The following TCP11 variants were observed in gnomAD, a reference collection of about 807,000 sequenced individuals.
TCP11 encodes t-complex 11, also known as T-complex protein 11 homolog.
TCP11 carries 34 observed loss-of-function variants against 45.0 expected under a neutral mutation model. The observed-to-expected ratio is 0.76, with a 90% CI of 0.57 to 1.01. The LOEUF is 1.01. Among genes scored for constraint, TCP11 ranks in the 50% least tolerant of loss-of-function variants. The pLI, the probability that TCP11 is intolerant of heterozygous loss-of-function variation, is 0.00. For synonymous variants in TCP11, 227 were observed against 227.0 expected (o/e 1.00, Z 0.00); for missense variants, 523 against 598.1 (o/e 0.87, Z 1.31).
intron 8 of TCP11, among the ~76,000 whole-genome samples, chr6:35,119,695 C>T (rs1353601423): frequency 1.3e-5 from 2 of 152,214 alleles, no homozygotes; most frequent in Non-Finnish European, 2.9e-5. Context: ...ATCCACTCAG[C>T]ATTCTTTAGT....
chr6:35,133,463 A>G (rs749711275), intron 3 of TCP11, among the ~76,000 whole-genome samples: 7 of 152,086 alleles, frequency 4.6e-5, no homozygotes, highest in South Asian at 2.1e-4. Context: ...GATTACAGGC[A>G]TGAGCCACTG....
rs763255017 is a variant in TCP11, at chr6:35,120,545, C to CA, written c.816dup (p.Gly273TrpfsTer6). On this transcript the variant is annotated frameshift_variant, in exon 7 of 10. Transcript: ENST00000311875. LOFTEE classifies it high-confidence loss of function. This position sits in a 1 kb window ranked among gnomAD's most constrained non-coding sequence, Gnocchi z 4.9. Reference sequence around the variant, plus strand: ...TTGGCTGCCTCATTGGGAGAGGGGCCAGCCACACTGGAGGAGTCAGAAGTG... The same window carrying CA: ...TTGGCTGCCTCATTGGGAGAGGGGCCAAGCCACACTGGAGGAGTCAGAAGTG... The CA allele has an allele frequency of 6.2e-7, 1 of 1,614,002 alleles. No individual in the cohort carries two copies. The highest frequency in any genetic ancestry group is 8.5e-7 in the Non-Finnish European group (1 of 1,180,032).
intron 3 of TCP11, among the ~76,000 whole-genome samples, chr6:35,134,273 CTTT>C (rs34368428): frequency 1.8e-3 from 185 of 105,104 alleles, no homozygotes; most frequent in Non-Finnish European, 1.7e-3. Context: ...CACCCATAAG[CTTT>C]TTTTTTTTTT....
chr6:35,130,442 G>A (rs1780281044), intron 3 of TCP11, among the ~76,000 whole-genome samples: 1 of 152,104 alleles, frequency 6.6e-6, no homozygotes, highest in South Asian at 2.1e-4. Context: ...AACAATCTTT[G>A]AAAAATATAT....
intron 2 of TCP11, chr6:35,137,944 A>G: frequency 7.8e-6 from 3 of 384,844 alleles, no homozygotes; most frequent in Non-Finnish European, 1.0e-5. Flanking sequence ...GAAAATGTAA[A>G]AAGGAAAAAT....
At chr6:35,139,364 T>C (rs1251972617) in intron 2 of TCP11, among the ~76,000 whole-genome samples, 1 of 152,090 alleles carries the variant, frequency 6.6e-6, no homozygotes, top group African/African-American at 2.4e-5. Flanking sequence ...CCAGCAGACT[T>C]ACGATATTTA....
At chr6:35,125,413 G>A (rs550197361) in intron 4 of TCP11, among the ~76,000 whole-genome samples, 2 of 152,026 alleles carry the variant, frequency 1.3e-5, no homozygotes, top group Non-Finnish European at 1.5e-5. Context: ...ACAAACACAC[G>A]AACAGATGCT....
At chr6:35,123,903 T>C (rs1221345208) in intron 4 of TCP11, among the ~76,000 whole-genome samples, 1 of 152,084 alleles carries the variant, frequency 6.6e-6, no homozygotes, top group Non-Finnish European at 1.5e-5. Context: ...TCCTCCCACC[T>C]CAACCTCCTA....
intron 2 of TCP11, among the ~76,000 whole-genome samples, chr6:35,136,451 A>G (rs1052964721): frequency 6.6e-6 from 1 of 151,520 alleles, no homozygotes; most frequent in African/African-American, 2.4e-5. Context: ...GTTTATAAAA[A>G]AAAGCAGGAA....
At chr6:35,138,091 C>A (rs944762348) in intron 2 of TCP11, among the ~76,000 whole-genome samples, 1 of 151,844 alleles carries the variant, frequency 6.6e-6, no homozygotes, top group African/African-American at 2.4e-5. Flanking sequence ...CAATAACAAA[C>A]GCTGGTGAGG....
At chr6:35,135,620 T>TAAAAAAAAAAAAAAAAAAAACAAA in intron 3 of TCP11, among the ~76,000 whole-genome samples, 1 of 121,558 alleles carries the variant, frequency 8.2e-6, no homozygotes, top group Admixed American at 8.5e-5. Context: ...ACCCCATCTC[T>TAAAAAAAAAAAAAAAAAAAACAAA]AAAAAAAAAA....
rs774542158 is a variant in TCP11 at position 35,120,411 on chromosome 6, G to A, written c.933+18C>T. Reference sequence around the variant, plus strand: ...AGCCCTGAACACAAAACAAGGCAATGCCCCCAGACATTCCTACCTCAGGGA... The same window carrying A: ...AGCCCTGAACACAAAACAAGGCAATACCCCCAGACATTCCTACCTCAGGGA... On this transcript the variant is annotated intron_variant, in intron 7 of 9. Coordinates refer to ENST00000311875, the MANE Select transcript of TCP11 (RefSeq NM_001370687.1). The surrounding 1 kb of genome is among the most constrained non-coding windows in gnomAD (Gnocchi z 4.9). 5.7e-6 allele frequency: 9 copies of A among 1,587,238 alleles called. No individual in the cohort carries two copies. The highest frequency in any genetic ancestry group is 7.7e-6 in the Non-Finnish European group (9 of 1,166,240).
intron 4 of TCP11, among the ~76,000 whole-genome samples, chr6:35,125,758 C>T (rs1234615710): frequency 6.6e-6 from 1 of 152,152 alleles, no homozygotes; most frequent in Non-Finnish European, 1.5e-5. Flanking sequence ...GCATAAAGAA[C>T]CTAAACGTCC....
intron 4 of TCP11, chr6:35,128,781 C>G (rs917063666): frequency 3.6e-6 from 1 of 277,740 alleles, no homozygotes; most frequent in Non-Finnish European, 6.7e-6. Flanking sequence ...CTTGGTTGGC[C>G]TCTCTCAGCC....
chr6:35,130,179 T>A (rs1780240049), intron 3 of TCP11, among the ~76,000 whole-genome samples: 1 of 152,164 alleles, frequency 6.6e-6, no homozygotes, highest in Non-Finnish European at 1.5e-5. Flanking sequence ...AACACAAGCC[T>A]TAAACTCTTC....
intron 3 of TCP11, among the ~76,000 whole-genome samples, chr6:35,134,334 G>A (rs1483633572): frequency 2.8e-5 from 4 of 141,712 alleles, no homozygotes; most frequent in African/African-American, 1.1e-4. Flanking sequence ...AGGCTGGAGT[G>A]CAGTGGCGTG....
intron 2 of TCP11, 120 bp from the exon 3 acceptor site, chr6:35,136,338 A>G (rs1415739657): frequency 1.4e-5 from 9 of 661,836 alleles, no homozygotes; most frequent in Middle Eastern, 2.6e-4. Flanking sequence ...GACTCACCCA[A>G]CTATTCTAGT....
At chr6:35,121,793 G>C (rs1187017587) in intron 5 of TCP11, among the ~76,000 whole-genome samples, 1 of 148,556 alleles carries the variant, frequency 6.7e-6, no homozygotes, top group East Asian at 2.0e-4. Context: ...GGCAACAAGA[G>C]TGAAACTCCA....
chr6:35,119,186 T>G (rs1778954229), intron 9 of TCP11, 42 bp downstream of exon 9: 4 of 1,609,528 alleles, frequency 2.5e-6, no homozygotes, highest in Non-Finnish European at 3.4e-6. Context: ...TTGGGATCTA[T>G]CTCTTCCCTC....
Sources: allele counts gnomAD v4.1 joint callset (sites outside exome capture counted in the v4.1 genomes callset), GRCh38; gene constraint gnomAD v4.1.1; non-coding constraint Gnocchi (gnomAD v3.1); transcripts MANE v1.5; gene names NCBI Gene and HGNC (gene_info 2026-07-23, HGNC 2026-07-21).